Variants in TNFRSF8 observed in about 807,000 individuals in gnomAD.
TNFRSF8 encodes the protein TNF receptor superfamily member 8.
Under a neutral mutation model 70.8 loss-of-function variants are expected in TNFRSF8, and 26 were observed. The ratio of observed to expected loss-of-function variants is 0.37; its 90% CI spans 0.27 to 0.51. The LOEUF (loss-of-function observed/expected upper bound fraction) is 0.51. Ranked by LOEUF, TNFRSF8 falls within the 20% of genes least tolerant of loss-of-function variation. The pLI is 0.94. For synonymous variants in TNFRSF8, 356 were observed against 339.2 expected, an observed-to-expected ratio of 1.05 and a Z score of -0.54; for missense variants, 720 against 807.9, an observed-to-expected ratio of 0.89 and a Z score of 1.32.
intron 4 of TNFRSF8, among the ~76,000 whole-genome samples, chr1:12,105,373 C>G (rs571093565): frequency 3.7e-4 from 56 of 152,218 alleles, no homozygotes; most frequent in Middle Eastern, 3.4e-3. Flanking sequence ...ATCCTTCCCT[C>G]GTTCCCTCAT....
At chr1:12,080,581 G>C in intron 1 of TNFRSF8, 1 of 349,220 alleles carries the variant, frequency 2.9e-6, no homozygotes, top group South Asian at 2.3e-5. Context: ...TTTTGAGATG[G>C]AGTTTCACCC....
intron 7 of TNFRSF8, among the ~76,000 whole-genome samples, chr1:12,114,526 A>G (rs890890521): frequency 6.6e-6 from 1 of 151,718 alleles, no homozygotes; most frequent in Non-Finnish European, 1.5e-5. Context: ...ATTGAGATCT[A>G]CCCTCGCGGA....
In TNFRSF8 at chr1:12,109,429, C is replaced by G. The variant is rs184377527; in HGVS notation, c.422-137C>G. 1 of 634,354 alleles carries G rather than the reference C, an allele frequency of 1.6e-6. No individual in the cohort carries two copies. The allele number at this position is 634,354 out of a possible 1,614,324, so 39.3% of individuals were successfully genotyped here. The stretch of plus-strand genomic sequence containing the variant: ...ACTCTGAAGGGGAACGGGTGCCAGG[C>G]GGGTGCCACCTCCAGATGACTGCTG... On this transcript the variant is annotated intron_variant, in intron 4 of 14. Transcript: ENST00000263932. The surrounding 1 kb of genome is among the most constrained non-coding windows in gnomAD (Gnocchi z 4.4).
In TNFRSF8 at chr1:12,108,728, G is replaced by A. The variant is rs2101002095; in HGVS notation, c.422-838G>A. 6.6e-6 allele frequency among the ~76,000 whole-genome samples: 1 copy of A among 152,284 alleles called. No homozygotes were observed. The highest frequency in any genetic ancestry group is 1.5e-5 in the Non-Finnish European group (1 of 68,016). On this transcript the variant is annotated intron_variant, in intron 4 of 14. Coordinates refer to ENST00000263932, the MANE Select transcript of TNFRSF8 (RefSeq NM_001243.5). This position sits in a 1 kb window ranked among gnomAD's most constrained non-coding sequence, Gnocchi z 4.0. ...CTCAGGAGGCTGAGGCAGGAGAATTGCTTGAACCTGGGAGGCAGAGGTTGC... is the reference window on the plus strand; with the variant it reads ...CTCAGGAGGCTGAGGCAGGAGAATTACTTGAACCTGGGAGGCAGAGGTTGC...
In TNFRSF8 at chr1:12,082,268, G is replaced by A. The variant is rs116625574; in HGVS notation, c.64-2196G>A. Among the ~76,000 whole-genome samples the A allele has an allele frequency of 5.0e-3, 768 of 152,268 alleles. 4 individuals are homozygous for A. Among genetic ancestry groups the A allele is most frequent in the African/African-American group, 0.018 (729 of 41,540 alleles). ...GGTAAAAACATATCTTCCTGAGGCC[G>A]GGCCAGGTGGCTCACGCCTGTAATC... On this transcript the variant is annotated intron_variant, in intron 1 of 14. Coordinates refer to ENST00000263932, the MANE Select transcript of TNFRSF8 (RefSeq NM_001243.5).
intron 14 of TNFRSF8, among the ~76,000 whole-genome samples, chr1:12,139,288 A>G (rs766740641): frequency 3.3e-5 from 5 of 151,996 alleles, no homozygotes; most frequent in Admixed American, 6.6e-5. Flanking sequence ...TTCTGACCCC[A>G]CAGTCTGTCC....
At position 12,142,553 on chromosome 1, in the gene TNFRSF8, A is replaced by G; in HGVS notation, c.*22A>G. 1 of 1,553,104 alleles carries G rather than the reference A, an allele frequency of 6.4e-7. No individual in the cohort carries two copies. Among genetic ancestry groups the G allele is most frequent in the Non-Finnish European group, 8.7e-7 (1 of 1,147,946 alleles). On this transcript the variant is annotated 3_prime_UTR_variant, in exon 15 of 15. Transcript: ENST00000263932. The surrounding 1 kb of genome is among the most constrained non-coding windows in gnomAD (Gnocchi z 5.0). Reference sequence around the variant, plus strand: ...GTGAGGCCTGGGCTGGGCTGGGGCTAGGAGGGCAGCAGGGTGGCCTCTGGG... The same window carrying G: ...GTGAGGCCTGGGCTGGGCTGGGGCTGGGAGGGCAGCAGGGTGGCCTCTGGG...
rs985671571 is a variant in TNFRSF8 at position 12,141,108 on chromosome 1, A to G, written c.1544-1179A>G. 2.0e-5 allele frequency among the ~76,000 whole-genome samples: 3 copies of G among 152,210 alleles called. No individual in the cohort carries two copies. The highest frequency in any genetic ancestry group is 2.9e-5 in the Non-Finnish European group (2 of 68,036). ...TGGGGGTGTTCAAAACCAGAATAGA[A>G]GAACCAGCGTCATGCAATAGGGTTG... On this transcript the variant is annotated intron_variant, in intron 14 of 14. Coordinates refer to ENST00000263932, the MANE Select transcript of TNFRSF8 (RefSeq NM_001243.5). This position sits in a 1 kb window ranked among gnomAD's most constrained non-coding sequence, Gnocchi z 5.4.
At position 12,088,987 on chromosome 1, in the gene TNFRSF8, G is replaced by A. The variant is rs1442363649; in HGVS notation, c.151+4436G>A. Among the ~76,000 whole-genome samples the A allele has an allele frequency of 1.3e-5, 2 of 152,026 alleles. No homozygotes were observed. Among genetic ancestry groups the A allele is most frequent in the South Asian group, 2.1e-4 (1 of 4,822 alleles). ...CAGAGCCCCCTCACAGCACCTCCTG[G>A]CCCCCCACTGTCCCTGTGTGCTTGA... is the stretch of plus-strand genomic sequence containing the variant. On this transcript the variant is annotated intron_variant, in intron 2 of 14. Coordinates refer to ENST00000263932, the MANE Select transcript of TNFRSF8 (RefSeq NM_001243.5). The surrounding 1 kb of genome is among the most constrained non-coding windows in gnomAD (Gnocchi z 4.0).
rs1031562277 is a variant in TNFRSF8 at position 12,119,919 on chromosome 1, C to T, written c.947-3365C>T. On this transcript the variant is annotated intron_variant, in intron 8 of 14. Coordinates refer to ENST00000263932, the MANE Select transcript of TNFRSF8 (RefSeq NM_001243.5). This position sits in a 1 kb window ranked among gnomAD's most constrained non-coding sequence, Gnocchi z 4.4. ...TACCTCTGGTCTGATACAACCCCTTCGTTTTACACCCAGAGAGAAGCACAG... is the reference window on the plus strand; with the variant it reads ...TACCTCTGGTCTGATACAACCCCTTTGTTTTACACCCAGAGAGAAGCACAG... Among the ~76,000 whole-genome samples, 8 of 152,122 alleles carry T rather than the reference C, an allele frequency of 5.3e-5. No homozygotes were observed. The highest frequency in any genetic ancestry group is 1.7e-4 in the African/African-American group (7 of 41,406).
At chr1:12,105,551 A>T (rs56140006) in intron 4 of TNFRSF8, among the ~76,000 whole-genome samples, 6 of 118,378 alleles carry the variant, frequency 5.1e-5, no homozygotes, top group African/African-American at 1.8e-4. Context: ...TCTCTCTCTC[A>T]CTCACTCACT....
rs1317720512 is a variant in TNFRSF8, at chr1:12,108,048, G to C, written c.422-1518G>C. ...GCTCACCTCCACGGAAAGCTTCAGA[G>C]CGAAGTCCCACACATACAGGCCACC... On this transcript the variant is annotated intron_variant, in intron 4 of 14. Coordinates refer to ENST00000263932, the MANE Select transcript of TNFRSF8 (RefSeq NM_001243.5). This position sits in a 1 kb window ranked among gnomAD's most constrained non-coding sequence, Gnocchi z 4.0. Among the ~76,000 whole-genome samples the C allele has an allele frequency of 6.6e-6, 1 of 151,180 alleles. No individual in the cohort carries two copies. Among genetic ancestry groups the C allele is most frequent in the Admixed American group, 6.6e-5 (1 of 15,094 alleles).
rs1491046754 is a variant in TNFRSF8 at position 12,076,101 on chromosome 1, TTC to T, written c.64-8361_64-8360del. Among the ~76,000 whole-genome samples, 76 of 87,530 alleles carry T rather than the reference TTC, an allele frequency of 8.7e-4. 3 individuals carry two copies. The African/African-American group carries it at 8.8e-3, about 10-fold the overall frequency. 57.4% of individuals were successfully genotyped at this position (87,530 alleles called of 152,430 possible). On this transcript the variant is annotated intron_variant, in intron 1 of 14. Transcript: ENST00000263932. ...TGGTTTTATTCTTTTTTTTTTCTTT[TTC>T]TTTTTTTTTTTTTTGAGATGGGGTT... is the stretch of plus-strand genomic sequence containing the variant.
chr1:12,114,534 G>T (rs573761821), intron 7 of TNFRSF8, among the ~76,000 whole-genome samples: 1 of 151,868 alleles, frequency 6.6e-6, no homozygotes, highest in Non-Finnish European at 1.5e-5. Flanking sequence ...CTACCCTCGC[G>T]GAGAGGTCCC....
rs1642277139 is a variant in TNFRSF8 at position 12,142,630 on chromosome 1, C to T, written c.*99C>T. 1 of 1,445,216 alleles carries T rather than the reference C, an allele frequency of 6.9e-7. No homozygotes were observed. The highest frequency in any genetic ancestry group is 1.4e-5 in the African/African-American group (1 of 70,510). The allele number at this position is 1,445,216 out of a possible 1,614,324, so 89.5% of individuals were successfully genotyped here. A position where few individuals can be genotyped will look rare whatever the true frequency, so the allele number is the denominator to read the frequency against. On this transcript the variant is annotated 3_prime_UTR_variant, in exon 15 of 15. Transcript: ENST00000263932. The surrounding 1 kb of genome is among the most constrained non-coding windows in gnomAD (Gnocchi z 5.0). ...AGGTTGGGGGCAGAGGCCCATCTGGCCTGAACTGAGGCTCCAGCATCTAGT... is the reference window on the plus strand; with the variant it reads ...AGGTTGGGGGCAGAGGCCCATCTGGTCTGAACTGAGGCTCCAGCATCTAGT...
chr1:12,067,182 C>T (rs1640757181), intron 1 of TNFRSF8, among the ~76,000 whole-genome samples: 1 of 152,174 alleles, frequency 6.6e-6, no homozygotes, highest in Admixed American at 6.6e-5. Context: ...CCTTTTCATC[C>T]AGGCACCATG....
chr1:12,105,939 CAAAAAAAAAA>C (rs748432437), intron 4 of TNFRSF8, among the ~76,000 whole-genome samples: 3 of 64,922 alleles, frequency 4.6e-5, no homozygotes, highest in Non-Finnish European at 9.6e-5. Flanking sequence ...GACTCCGTCT[CAAAAAAAAAA>C]AAAAAAAAAG....
chr1:12,077,406 C>T (rs1640985673), intron 1 of TNFRSF8, among the ~76,000 whole-genome samples: 1 of 152,160 alleles, frequency 6.6e-6, no homozygotes, highest in Non-Finnish European at 1.5e-5. Context: ...GAGAAGGACT[C>T]AGCCCACCAT....
At chr1:12,077,124 G>A (rs535855220) in intron 1 of TNFRSF8, among the ~76,000 whole-genome samples, 117 of 152,034 alleles carry the variant, frequency 7.7e-4, no homozygotes, top group Middle Eastern at 3.4e-3. Context: ...CTCCTTTGCC[G>A]TGTTGCCCGG....
Sources: allele counts gnomAD v4.1 joint callset (sites outside exome capture counted in the v4.1 genomes callset), GRCh38; gene constraint gnomAD v4.1.1; non-coding constraint Gnocchi (gnomAD v3.1); transcripts MANE v1.5; gene names NCBI Gene and HGNC (gene_info 2026-07-23, HGNC 2026-07-21).